HDAC8: variants seen among roughly 807,000 people sequenced by gnomAD.
HDAC8 encodes the protein histone deacetylase-like 1.
HDAC8 carries 1 observed loss-of-function variant against 32.2 expected under a neutral mutation model. The observed-to-expected ratio is 0.03, with a 90% CI of 0.01 to 0.15. The LOEUF (loss-of-function observed/expected upper bound fraction) is 0.15, where lower values mean the gene tolerates loss of function less well. HDAC8 is among the 10% of genes least tolerant of loss of function. HDAC8 has a pLI of 1.00. For synonymous variants in HDAC8, 108 were observed against 113.9 expected (o/e 0.95, Z 0.33); for missense variants, 117 against 300.0 (o/e 0.39, Z 4.51).
At chrX:72,503,079 T>C (rs2049278218) in intron 4 of HDAC8, among the ~76,000 whole-genome samples, 1 of 112,293 alleles carries the variant, frequency 8.9e-6, no homozygotes, top group Admixed American at 9.5e-5. Context: ...TTGAAAATGA[T>C]CAGCAATAAG....
chrX:72,441,317 C>T (rs1403856903), intron 9 of HDAC8, among the ~76,000 whole-genome samples: 2 of 111,810 alleles, frequency 1.8e-5, no homozygotes, highest in Admixed American at 9.4e-5. Flanking sequence ...CTCACACGGC[C>T]GGGTACTCCT....
chrX:72,449,139 T>C (rs1396256635), intron 9 of HDAC8, among the ~76,000 whole-genome samples: 2 of 112,251 alleles, frequency 1.8e-5, no homozygotes, highest in African/African-American at 6.5e-5. Flanking sequence ...TAGATGTTTA[T>C]TGCAGTACTA....
intron 9 of HDAC8, among the ~76,000 whole-genome samples, chrX:72,440,192 A>G (rs2047083450): frequency 1.8e-5 from 2 of 112,183 alleles, no homozygotes; most frequent in African/African-American, 3.2e-5. Flanking sequence ...ACACAACTAC[A>G]TGGAAACTGA....
At chrX:72,469,438 G>A (rs2048108575) in intron 7 of HDAC8, among the ~76,000 whole-genome samples, 2 of 112,526 alleles carry the variant, frequency 1.8e-5, no homozygotes, top group Middle Eastern at 4.2e-3. Flanking sequence ...GATTACAGGC[G>A]TGAGCCATCA....
chrX:72,430,484 C>G (rs1202160300), intron 9 of HDAC8, among the ~76,000 whole-genome samples: 8 of 112,324 alleles, frequency 7.1e-5, no homozygotes, highest in African/African-American at 2.6e-4. Flanking sequence ...TTTCTTTCAG[C>G]GTTAGAAACT....
intron 10 of HDAC8, among the ~76,000 whole-genome samples, chrX:72,346,119 T>C: frequency 9.0e-6 from 1 of 111,689 alleles, no homozygotes; most frequent in Middle Eastern, 4.7e-3. Context: ...ACTTGCTTGA[T>C]GAAGAAGCCC....
At chrX:72,416,408 GTTTTTTTTTTTTTTTTTTTTTTT>G (rs549411405) in intron 9 of HDAC8, among the ~76,000 whole-genome samples, 371 of 3,686 alleles carry the variant, frequency 0.1, 12 homozygotes, top group African/African-American at 0.17. Flanking sequence ...TGTCTTCTCT[GTTTTTTTTTTTTTTTTTTTTTTT>G]TTTTTTTTTT....
intron 1 of HDAC8, chrX:72,572,425 C>T: frequency 2.4e-6 from 1 of 414,348 alleles, no homozygotes; most frequent in Non-Finnish European, 4.1e-6. Flanking sequence ...GTACCCCCTC[C>T]CCCACTCCTA....
chrX:72,531,165 T>A (rs1218167627), intron 4 of HDAC8, among the ~76,000 whole-genome samples: 2 of 112,317 alleles, frequency 1.8e-5, no homozygotes, highest in African/African-American at 6.5e-5. Context: ...TCTGGACTTA[T>A]ATTTTGTATG....
intron 9 of HDAC8, among the ~76,000 whole-genome samples, chrX:72,432,555 AT>A (rs377451052): frequency 1.2e-3 from 121 of 99,023 alleles, no homozygotes; most frequent in Non-Finnish European, 9.7e-4. Context: ...CCCTTTAGTT[AT>A]TTTTTTTTTT....
At chrX:72,352,973 T>C (rs912204427) in intron 9 of HDAC8, among the ~76,000 whole-genome samples, 8 of 112,445 alleles carry the variant, frequency 7.1e-5, no homozygotes, top group Non-Finnish European at 1.3e-4. Flanking sequence ...CTTAACATTA[T>C]GTGCTTTCAA....
chrX:72,352,456 T>C (rs1276034272), intron 9 of HDAC8, among the ~76,000 whole-genome samples: 1 of 111,544 alleles, frequency 9.0e-6, no homozygotes, highest in Non-Finnish European at 1.9e-5. Flanking sequence ...TCTGGGGTCC[T>C]CTAGGTGTTC....
At chrX:72,360,352 CA>C (rs148601239) in intron 9 of HDAC8, among the ~76,000 whole-genome samples, 164 of 100,195 alleles carry the variant, frequency 1.6e-3, no homozygotes, top group Admixed American at 1.2e-3. Flanking sequence ...GAGACTCCGT[CA>C]AAAAAAAAAA....
intron 4 of HDAC8, among the ~76,000 whole-genome samples, chrX:72,539,214 TTTTATTTATTTA>T (rs201298956): frequency 1.8e-5 from 2 of 109,988 alleles, no homozygotes; most frequent in Non-Finnish European, 3.8e-5. Flanking sequence ...ATCTGTGCAA[TTTTATTTATTTA>T]TTTATTTATT....
intron 10 of HDAC8, among the ~76,000 whole-genome samples, chrX:72,339,443 G>A (rs2043830503): frequency 8.9e-6 from 1 of 112,528 alleles, no homozygotes; most frequent in Admixed American, 9.4e-5. Context: ...ACAGAGTGCT[G>A]TGGGCAGAAA....
intron 4 of HDAC8, among the ~76,000 whole-genome samples, chrX:72,514,763 C>T (rs1316844511): frequency 9.0e-6 from 1 of 111,605 alleles, no homozygotes; most frequent in Non-Finnish European, 1.9e-5. Flanking sequence ...TCTATTGTTT[C>T]GGCCTCCGAA....
At position 72,452,294 on chromosome X, in the gene HDAC8, A is replaced by G. The variant is rs782744302; in HGVS notation, c.1005+9710T>C. Among the ~76,000 whole-genome samples, 3 of 111,822 alleles carry G rather than the reference A, an allele frequency of 2.7e-5. No individual in the cohort carries two copies. In the South Asian group the frequency reaches 1.1e-3, roughly 42 times the overall value. On this transcript the variant is annotated intron_variant, in intron 9 of 10. Transcript: ENST00000373573. ...AACATGGCGAAACCCCGTCTCTACT[A>G]AAAATACAAAAATTAGCTGGGCATG...
chrX:72,571,915 G>A (rs2052096096), intron 2 of HDAC8, 142 bp downstream of exon 2: 1 of 503,582 alleles, frequency 2.0e-6, no homozygotes, highest in Non-Finnish European at 3.2e-6. Context: ...ATTACAGGCA[G>A]ATTACAAACA....
chrX:72,553,149 A>G (rs1556079074), intron 4 of HDAC8, among the ~76,000 whole-genome samples: 2 of 110,647 alleles, frequency 1.8e-5, no homozygotes, highest in Non-Finnish European at 3.8e-5. Context: ...GGTTCAAGTG[A>G]TTCTCCTGCC....
Sources: gnomAD v4.1 joint callset for allele counts (sites outside exome capture counted in the v4.1 genomes callset) on GRCh38, gnomAD v4.1.1 for gene constraint, MANE v1.5 for transcripts, NCBI Gene and HGNC (gene_info 2026-07-23, HGNC 2026-07-21) for gene names.